Variants in PCBP3 observed in about 807,000 individuals in gnomAD.
PCBP3 encodes the protein poly(rC) binding protein 3.
PCBP3 carries 25 observed loss-of-function variants against 52.7 expected under a neutral mutation model. The ratio of observed to expected loss-of-function variants is 0.47; its 90% CI spans 0.35 to 0.66. PCBP3 has a LOEUF of 0.66. Among genes scored for constraint, PCBP3 ranks in the 30% least tolerant of loss-of-function variants. PCBP3 has a pLI of 0.01. For synonymous variants in PCBP3, 162 were observed against 183.0 expected, an observed-to-expected ratio of 0.89 and a Z score of 0.93; for missense variants, 391 against 490.3, an observed-to-expected ratio of 0.80 and a Z score of 1.91.
chr21:45,708,324 C>G (rs997239011), intron 2 of PCBP3, among the ~76,000 whole-genome samples: 2 of 152,094 alleles, frequency 1.3e-5, no homozygotes, highest in African/African-American at 2.4e-5. Flanking sequence ...GCAGGAGGGT[C>G]AGAATCTGCA....
chr21:45,917,654 T>G lies in PCBP3; in HGVS notation c.717+25T>G. The G allele has an allele frequency of 6.3e-7, 1 of 1,587,122 alleles. No individual in the cohort carries two copies. Among genetic ancestry groups the G allele is most frequent in the Non-Finnish European group, 8.7e-7 (1 of 1,155,452 alleles). On this transcript the variant is annotated intron_variant, in intron 13 of 17. Transcript: ENST00000681687. This position sits in a 1 kb window ranked among gnomAD's most constrained non-coding sequence, Gnocchi z 5.3. ...TGTGAGTCTTCACTTTGTCTTCCTCTCACCTTTCTCTTCTCATGGTTGTTT... is the reference window on the plus strand; with the variant it reads ...TGTGAGTCTTCACTTTGTCTTCCTCGCACCTTTCTCTTCTCATGGTTGTTT...
chr21:45,927,500 T>TA (rs1320891358), intron 13 of PCBP3, among the ~76,000 whole-genome samples: 1 of 150,086 alleles, frequency 6.7e-6, no homozygotes, highest in Admixed American at 6.7e-5. Context: ...TTCTCTCCTT[T>TA]AAAAAATGTG....
intron 5 of PCBP3, among the ~76,000 whole-genome samples, chr21:45,859,266 T>C (rs1199481233): frequency 9.7e-6 from 1 of 103,498 alleles, no homozygotes; most frequent in South Asian, 3.5e-4. Context: ...GGAGGGGCCG[T>C]GCTGCAGAGG....
At position 45,757,748 on chromosome 21, in the gene PCBP3, C is replaced by G. The variant is rs938778686; in HGVS notation, c.-126+2296C>G. 5.3e-5 allele frequency among the ~76,000 whole-genome samples: 8 copies of G among 152,252 alleles called. No individual in the cohort carries two copies. In the East Asian group the frequency reaches 9.6e-4, roughly 18 times the overall value. On this transcript the variant is annotated intron_variant, in intron 4 of 17. Transcript: ENST00000681687. ...AGTCATTCTTTTGCATGGGGATATT[C>G]AGTTGTCACAGCACTCCATATTTAA...
chr21:45,757,558 G>T (rs538340822), intron 4 of PCBP3, among the ~76,000 whole-genome samples: 73 of 152,078 alleles, frequency 4.8e-4, no homozygotes, highest in Non-Finnish European at 8.8e-4. Context: ...TTTTTTCTTT[G>T]GTTGTGTGCA....
intron 1 of PCBP3, among the ~76,000 whole-genome samples, chr21:45,654,836 A>G (rs1273790554): frequency 6.6e-6 from 1 of 152,102 alleles, no homozygotes; most frequent in Non-Finnish European, 1.5e-5. Flanking sequence ...CATTTTCTTC[A>G]CTTTAAAAAG....
chr21:45,941,594 C>G lies in PCBP3; in HGVS notation c.1080-76C>G, dbSNP rs568244228. ...CCCAGCGAGCACAGAGGCCACACAG[C>G]CCGGCCTCACGTCTGCCCACTGATG... On this transcript the variant is annotated intron_variant, in intron 17 of 17. Coordinates refer to ENST00000681687, the MANE Select transcript of PCBP3 (RefSeq NM_001384156.1). 6.6e-6 allele frequency: 9 copies of G among 1,368,116 alleles called. No homozygotes were observed. The African/African-American group carries it at 1.2e-4, about 17-fold the overall frequency. The allele number at this position is 1,368,116 out of a possible 1,614,324, so 84.7% of individuals were successfully genotyped here.
chr21:45,762,486 C>CTTTTTTTTTTTTTT (rs1401689005), intron 4 of PCBP3: 6 of 95,258 alleles, frequency 6.3e-5, no homozygotes, highest in African/African-American at 2.0e-4. Flanking sequence ...CTTTTCTTTT[C>CTTTTTTTTTTTTTT]TTCTCTTTTT....
intron 5 of PCBP3, among the ~76,000 whole-genome samples, chr21:45,881,234 T>C (rs7279887): frequency 0.78 from 118,814 of 152,192 alleles, 47,005 homozygotes; most frequent in East Asian, 1. Flanking sequence ...ATTTTCCAAC[T>C]CTGAGCCAGC....
intron 4 of PCBP3, among the ~76,000 whole-genome samples, chr21:45,778,974 TC>T (rs1284390664): frequency 6.6e-6 from 1 of 152,108 alleles, no homozygotes; most frequent in African/African-American, 2.4e-5. Flanking sequence ...CCCTCTCAGC[TC>T]CCAGTCCCCA....
chr21:45,756,197 G>A (rs1603390087), intron 4 of PCBP3, among the ~76,000 whole-genome samples: 1 of 152,260 alleles, frequency 6.6e-6, no homozygotes, highest in East Asian at 1.9e-4. Flanking sequence ...TCAGAGATCT[G>A]TTATCTTCTT....
At chr21:45,680,582 G>A (rs558957524) in intron 2 of PCBP3, among the ~76,000 whole-genome samples, 1 of 152,282 alleles carries the variant, frequency 6.6e-6, no homozygotes, top group African/African-American at 2.4e-5. Context: ...TGAACTCATT[G>A]ATTCTAGAAG....
At chr21:45,815,946 G>C (rs2092927945) in intron 4 of PCBP3, among the ~76,000 whole-genome samples, 1 of 109,684 alleles carries the variant, frequency 9.1e-6, no homozygotes, top group African/African-American at 3.7e-5. Flanking sequence ...AGTGGTGAGT[G>C]ATGAGTGAGT....
chr21:45,920,067 T>C (rs1197682401), intron 13 of PCBP3, among the ~76,000 whole-genome samples: 3 of 152,166 alleles, frequency 2.0e-5, no homozygotes, highest in Non-Finnish European at 2.9e-5. Context: ...CACTTGACTT[T>C]GCAAAGCTCT....
chr21:45,687,177 G>A (rs1336779876), intron 2 of PCBP3, among the ~76,000 whole-genome samples: 1 of 152,084 alleles, frequency 6.6e-6, no homozygotes, highest in Admixed American at 6.5e-5. Context: ...GAAAAAAACA[G>A]TGGACCCACA....
At chr21:45,679,108 A>G (rs2081658607) in intron 2 of PCBP3, among the ~76,000 whole-genome samples, 1 of 149,456 alleles carries the variant, frequency 6.7e-6, no homozygotes, top group Admixed American at 6.6e-5. Context: ...TTTAGCAATA[A>G]ACTATTTTTA....
At chr21:45,838,019 T>C (rs1242826549) in intron 4 of PCBP3, among the ~76,000 whole-genome samples, 5 of 152,258 alleles carry the variant, frequency 3.3e-5, no homozygotes, top group Non-Finnish European at 1.5e-5. Context: ...GGCTGTTTGG[T>C]TACCTAAACT....
At chr21:45,910,441 T>C (rs1463703809) in intron 10 of PCBP3, among the ~76,000 whole-genome samples, 1 of 151,916 alleles carries the variant, frequency 6.6e-6, no homozygotes, top group Non-Finnish European at 1.5e-5. Flanking sequence ...TGGGCAGAGT[T>C]TGCAGATGTG....
At chr21:45,890,237 G>C (rs931058225) in intron 5 of PCBP3, among the ~76,000 whole-genome samples, 1 of 152,250 alleles carries the variant, frequency 6.6e-6, no homozygotes, top group African/African-American at 2.4e-5. Context: ...ACGCCCGCTG[G>C]GCAGCACAGA....
Sources: gnomAD v4.1 joint callset for allele counts (sites outside exome capture counted in the v4.1 genomes callset) on GRCh38, gnomAD v4.1.1 for gene constraint, Gnocchi (gnomAD v3.1) non-coding constraint, MANE v1.5 for transcripts, NCBI Gene and HGNC (gene_info 2026-07-23, HGNC 2026-07-21) for gene names.